Variants in BAG4 observed in about 807,000 individuals in gnomAD.
The protein encoded by BAG4 is BAG family molecular chaperone regulator 4.
Under a neutral mutation model 52.1 loss-of-function variants are expected in BAG4, and 28 were observed. The observed-to-expected ratio is 0.54, with a 90% CI of 0.40 to 0.74. BAG4 has a LOEUF of 0.74. BAG4 is among the 30% of genes least tolerant of loss of function. BAG4 has a pLI of 0.00. For missense variants in BAG4, 525 were observed against 572.0 expected (o/e 0.92, Z 0.84); for synonymous variants, 208 against 217.0 (o/e 0.96, Z 0.37).
intron 1 of BAG4, among the ~76,000 whole-genome samples, chr8:38,182,091 T>C (rs535715596): frequency 8.5e-5 from 13 of 152,122 alleles, no homozygotes; most frequent in African/African-American, 3.1e-4. Flanking sequence ...CTGCAAAATT[T>C]ATGTGGTAAA....
intron 2 of BAG4, among the ~76,000 whole-genome samples, chr8:38,198,704 G>T (rs1284747324): frequency 2.6e-5 from 4 of 151,920 alleles, no homozygotes; most frequent in African/African-American, 4.8e-5. Context: ...AGCCAGGATG[G>T]TCTCGATCTC....
At position 38,210,529 on chromosome 8, in the gene BAG4, T is replaced by C. The variant is rs765067904; in HGVS notation, c.*36T>C. ...AACAAAGTGGAAGCCTGTTACTAAC[T>C]TGACCAAAGAACACTTGATTTGGTT... On this transcript the variant is annotated 3_prime_UTR_variant, in exon 5 of 5. Transcript: ENST00000287322. 4.4e-5 allele frequency: 67 copies of C among 1,527,944 alleles called. No individual in the cohort carries two copies. The highest frequency in any genetic ancestry group is 1.8e-4 in the Middle Eastern group (1 of 5,676). The allele number at this position is 1,527,944 out of a possible 1,614,324, so 94.6% of individuals were successfully genotyped here.
At chr8:38,179,691 A>T (rs1803231872) in intron 1 of BAG4, among the ~76,000 whole-genome samples, 1 of 151,752 alleles carries the variant, frequency 6.6e-6, no homozygotes, top group South Asian at 2.1e-4. Context: ...GCTTGAACCC[A>T]GGAGGCGGAG....
chr8:38,193,067 C>T (rs1490994452), intron 2 of BAG4, among the ~76,000 whole-genome samples: 4 of 152,054 alleles, frequency 2.6e-5, no homozygotes, highest in Non-Finnish European at 5.9e-5. Context: ...TGATTACAGA[C>T]ATTTAATTTA....
Position 38,210,516 on chromosome 8 carries a change from G to A in BAG4, c.*23G>A. 6.5e-7 allele frequency: 1 copy of A among 1,540,812 alleles called. No homozygotes were observed. Among genetic ancestry groups the A allele is most frequent in the Non-Finnish European group, 8.7e-7 (1 of 1,150,364 alleles). On this transcript the variant is annotated 3_prime_UTR_variant, in exon 5 of 5. Transcript: ENST00000287322. The stretch of plus-strand genomic sequence containing the variant: ...TGAAAGGATTTAGAACAAAGTGGAA[G>A]CCTGTTACTAACTTGACCAAAGAAC...
At chr8:38,209,567 T>A (rs1803833509) in intron 4 of BAG4, 3 of 422,794 alleles carry the variant, frequency 7.1e-6, no homozygotes, top group Admixed American at 4.2e-5. Context: ...TCAAATAATC[T>A]ATGAACAGAA....
intron 1 of BAG4, among the ~76,000 whole-genome samples, chr8:38,178,167 T>G (rs564897715): frequency 6.6e-6 from 1 of 151,624 alleles, no homozygotes. Context: ...TTGTTTTTTT[T>G]TTTTTTGAGT....
At chr8:38,208,340 C>G (rs1376429187) in intron 3 of BAG4, among the ~76,000 whole-genome samples, 6 of 135,140 alleles carry the variant, frequency 4.4e-5, no homozygotes, top group African/African-American at 1.6e-4. Context: ...GACGGAGTCT[C>G]GCTCTGTCGC....
rs1165186738 is a variant in BAG4, at chr8:38,207,623, A to G, written c.490A>G (p.Ser164Gly). Reference sequence around the variant, plus strand: ...TTATGCACCTGGTTATACTCAGACCAGTTACTCCACAGAAGTTCCAAGTAC... The same window carrying G: ...TTATGCACCTGGTTATACTCAGACCGGTTACTCCACAGAAGTTCCAAGTAC... ...AYYAPGYTQT[S>G]YSTEVPSTYR... The change falls in exon 3 of 5, where the codon AGT becomes GGT. Residue 164 changes from serine (S) to glycine (G), a missense_variant. By Grantham distance (56) the Ser-to-Gly change is moderately conservative (BLOSUM62 0). Around this residue, in one of 2 missense-constraint regions of BAG4, gnomAD observed 287 missense variants for 266.1 expected, o/e 1.08. Transcript: ENST00000287322. 3 of 1,613,986 alleles carry G rather than the reference A, an allele frequency of 1.9e-6. No individual in the cohort carries two copies. Among genetic ancestry groups the G allele is most frequent in the Admixed American group, 3.3e-5 (2 of 59,980 alleles).
chr8:38,178,812 G>A (rs1803214444), intron 1 of BAG4, among the ~76,000 whole-genome samples: 1 of 152,082 alleles, frequency 6.6e-6, no homozygotes, highest in African/African-American at 2.4e-5. Flanking sequence ...CGGTGTAGGT[G>A]AGAATATTCT....
intron 1 of BAG4, among the ~76,000 whole-genome samples, chr8:38,188,169 A>G (rs1159313681): frequency 3.3e-5 from 5 of 152,122 alleles, no homozygotes; most frequent in Non-Finnish European, 7.4e-5. Flanking sequence ...TGCAAAAGAA[A>G]GCAGTAAAGG....
intron 2 of BAG4, among the ~76,000 whole-genome samples, chr8:38,194,497 A>C (rs1585658581): frequency 6.8e-6 from 1 of 147,016 alleles, no homozygotes; most frequent in Non-Finnish European, 1.5e-5. Flanking sequence ...GCTCATTGCA[A>C]CCTCCGCCTC....
chr8:38,204,074 A>G (rs1331093077), intron 2 of BAG4: 4 of 152,210 alleles, frequency 2.6e-5, no homozygotes, highest in Non-Finnish European at 5.9e-5. Context: ...AGGCTGTTAT[A>G]TAATCTGATT....
intron 1 of BAG4, among the ~76,000 whole-genome samples, chr8:38,187,888 T>G (rs1352825849): frequency 1.5e-5 from 2 of 131,750 alleles, no homozygotes; most frequent in Non-Finnish European, 3.4e-5. Flanking sequence ...AAAAAAAAAA[T>G]TAGCCGGGCG....
At chr8:38,192,570 C>A in intron 1 of BAG4, 118 bp from the exon 2 acceptor site, 2 of 774,678 alleles carry the variant, frequency 2.6e-6, no homozygotes, top group Non-Finnish European at 3.9e-6. Flanking sequence ...CTGTGCCCAG[C>A]TTATTGCTTT....
At chr8:38,200,189 T>C (rs1463642647) in intron 2 of BAG4, among the ~76,000 whole-genome samples, 3 of 151,864 alleles carry the variant, frequency 2.0e-5, no homozygotes, top group Non-Finnish European at 4.4e-5. Flanking sequence ...GTATTGTTAG[T>C]AGAGACAGGG....
At chr8:38,202,711 T>G (rs147724569) in intron 2 of BAG4, among the ~76,000 whole-genome samples, 11 of 151,926 alleles carry the variant, frequency 7.2e-5, no homozygotes, top group African/African-American at 2.7e-4. Flanking sequence ...CTGGCTAATT[T>G]TTGTATTTTT....
intron 1 of BAG4, among the ~76,000 whole-genome samples, chr8:38,177,582 G>A (rs3824288): frequency 0.21 from 31,830 of 152,184 alleles, 3,635 homozygotes; most frequent in East Asian, 0.31. Context: ...GCGAGGAGGA[G>A]GGATCTGGGC....
intron 2 of BAG4, chr8:38,201,864 ATATATATATATATATATTTTTTTTTTTTT>A (rs1365752911): frequency 0.019 from 113 of 6,036 alleles, 7 homozygotes; most frequent in African/African-American, 0.05. Context: ...ATATATATAT[ATATATATATATATATATTTTTTTTTTTTT>A]TTTTTTTTTT....
Sources: gnomAD v4.1 joint callset for allele counts (sites outside exome capture counted in the v4.1 genomes callset) on GRCh38, gnomAD v4.1.1 for gene constraint, gnomAD v4.1.1 regional missense constraint, MANE v1.5 for transcripts, NCBI Gene and HGNC (gene_info 2026-07-23, HGNC 2026-07-21) for gene names.